Variants in MSRA observed in about 807,000 individuals in gnomAD.
The protein encoded by MSRA is mitochondrial peptide methionine sulfoxide reductase.
A neutral mutation model predicts 31.3 loss-of-function variants in MSRA; 54 were observed. The ratio of observed to expected loss-of-function variants is 1.73; its 90% CI spans 1.39 to 2.17. The LOEUF is 2.17. MSRA is among the 30% of genes most tolerant of loss of function. The pLI, the probability that MSRA is intolerant of heterozygous loss-of-function variation, is 0.00. For synonymous variants in MSRA, 169 were observed against 116.5 expected, an observed-to-expected ratio of 1.45 and a Z score of -2.90; for missense variants, 507 against 300.9, an observed-to-expected ratio of 1.69 and a Z score of -5.07.
intron 3 of MSRA, among the ~76,000 whole-genome samples, chr8:10,279,185 A>C (rs1267575477): frequency 1.3e-5 from 2 of 152,150 alleles, no homozygotes; most frequent in Non-Finnish European, 2.9e-5. Flanking sequence ...TAGGGAATGT[A>C]ATTCTTACCT....
intron 5 of MSRA, among the ~76,000 whole-genome samples, chr8:10,413,738 G>A (rs879285223): frequency 2.0e-5 from 3 of 151,954 alleles, no homozygotes; most frequent in Non-Finnish European, 4.4e-5. Context: ...GGCTGAGTTG[G>A]CGGAAGAAAG....
intron 1 of MSRA, among the ~76,000 whole-genome samples, chr8:10,101,141 A>G (rs2128933295): frequency 6.6e-6 from 1 of 152,242 alleles, no homozygotes; most frequent in South Asian, 2.1e-4. Flanking sequence ...CCCCAAACTG[A>G]GTTTGAATTT....
intron 4 of MSRA, among the ~76,000 whole-genome samples, chr8:10,317,445 GGCT>G (rs1436172642): frequency 6.6e-6 from 1 of 152,238 alleles, no homozygotes; most frequent in East Asian, 1.9e-4. Context: ...TGCTTCCTCT[GGCT>G]CTGCCGAGAG....
intron 1 of MSRA, among the ~76,000 whole-genome samples, chr8:10,128,701 G>A (rs574267856): frequency 3.2e-4 from 48 of 152,324 alleles, no homozygotes; most frequent in African/African-American, 1.0e-3. Context: ...ACGGACAGCA[G>A]CTACAGTAGT....
intron 5 of MSRA, among the ~76,000 whole-genome samples, chr8:10,373,376 T>G (rs1805583212): frequency 6.6e-6 from 1 of 152,266 alleles, no homozygotes; most frequent in African/African-American, 2.4e-5. Flanking sequence ...TTTTCTCTTT[T>G]TAGAGACAGG....
intron 1 of MSRA, among the ~76,000 whole-genome samples, chr8:10,160,170 G>A (rs1196803325): frequency 6.6e-6 from 1 of 152,174 alleles, no homozygotes. Context: ...GGTTAAAAAT[G>A]ATAATCATAC....
At chr8:10,324,692 T>C (rs1802260917) in intron 5 of MSRA, among the ~76,000 whole-genome samples, 1 of 152,110 alleles carries the variant, frequency 6.6e-6, no homozygotes. Flanking sequence ...CAGAGGCTTG[T>C]GTGTGAGGAT....
At chr8:10,337,955 A>G in intron 5 of MSRA, 1 of 623,886 alleles carries the variant, frequency 1.6e-6, no homozygotes, top group East Asian at 2.8e-5. Context: ...TAGGGAGGTA[A>G]ACTGGGTGGC....
chr8:10,263,798 G>T (rs555074975), intron 3 of MSRA, among the ~76,000 whole-genome samples: 1 of 152,342 alleles, frequency 6.6e-6, no homozygotes, highest in African/African-American at 2.4e-5. Flanking sequence ...GATCTTCACA[G>T]TGTGATTTCG....
rs967487441 is a variant in MSRA at position 10,362,428 on chromosome 8, A to G, written c.543+42439A>G. Among the ~76,000 whole-genome samples the G allele has an allele frequency of 3.4e-5, 5 of 149,236 alleles. No homozygotes were observed. The Admixed American group carries it at 3.4e-4, about 10-fold the overall frequency. On this transcript the variant is annotated intron_variant, in intron 5 of 5. Coordinates refer to ENST00000317173, the MANE Select transcript of MSRA (RefSeq NM_012331.5). ...ATACAAATTTAACTACAGCCACTAA[A>G]TCAGAAATTCCCACCCAAAGTCATA...
chr8:10,333,524 C>G (rs1466234653), intron 5 of MSRA, among the ~76,000 whole-genome samples: 1 of 152,112 alleles, frequency 6.6e-6, no homozygotes, highest in Non-Finnish European at 1.5e-5. Context: ...TCTGTACTTG[C>G]TTTGTGTATG....
At chr8:10,129,064 G>A (rs981747926) in intron 1 of MSRA, among the ~76,000 whole-genome samples, 1 of 152,182 alleles carries the variant, frequency 6.6e-6, no homozygotes, top group African/African-American at 2.4e-5. Context: ...ACTCTTCGCA[G>A]TTCTATTTTA....
chr8:10,209,680 A>T (rs956267021), intron 2 of MSRA, among the ~76,000 whole-genome samples: 2 of 152,070 alleles, frequency 1.3e-5, no homozygotes, highest in Non-Finnish European at 2.9e-5. Context: ...CCGCTTTTCG[A>T]TGAGGAGGCT....
At chr8:10,276,746 G>C (rs372684146) in intron 3 of MSRA, among the ~76,000 whole-genome samples, 6 of 152,294 alleles carry the variant, frequency 3.9e-5, no homozygotes, top group African/African-American at 1.2e-4. Flanking sequence ...TGTGGGGGCA[G>C]ATTTAGATCT....
chr8:10,265,145 G>A (rs1157404529), intron 3 of MSRA, among the ~76,000 whole-genome samples: 1 of 152,162 alleles, frequency 6.6e-6, no homozygotes, highest in Non-Finnish European at 1.5e-5. Flanking sequence ...ATTATGTCCT[G>A]GAAGAGGCCA....
At chr8:10,141,110 G>T (rs761702055) in intron 1 of MSRA, among the ~76,000 whole-genome samples, 3 of 152,152 alleles carry the variant, frequency 2.0e-5, no homozygotes, top group Non-Finnish European at 2.9e-5. Context: ...CAAACCCTGC[G>T]CTCACCAAAG....
At chr8:10,417,493 A>G (rs1808537200) in intron 5 of MSRA, among the ~76,000 whole-genome samples, 1 of 151,570 alleles carries the variant, frequency 6.6e-6, no homozygotes, top group African/African-American at 2.4e-5. Context: ...GTCAGTGCCC[A>G]GTCAGCCGTC....
intron 5 of MSRA, among the ~76,000 whole-genome samples, chr8:10,362,189 C>A (rs911366916): frequency 6.6e-6 from 1 of 152,124 alleles, no homozygotes; most frequent in Non-Finnish European, 1.5e-5. Flanking sequence ...TGAGTTGCAG[C>A]AGTATTAATG....
chr8:10,326,188 C>T (rs191182254), intron 5 of MSRA, among the ~76,000 whole-genome samples: 1 of 152,182 alleles, frequency 6.6e-6, no homozygotes, highest in African/African-American at 2.4e-5. Flanking sequence ...CAGTGACCCC[C>T]TAGTACCCAG....
Sources: gnomAD v4.1 joint callset for allele counts (sites outside exome capture counted in the v4.1 genomes callset) on GRCh38, gnomAD v4.1.1 for gene constraint, MANE v1.5 for transcripts, NCBI Gene and HGNC (gene_info 2026-07-23, HGNC 2026-07-21) for gene names.